Variants in KCNQ3 observed in about 807,000 individuals in gnomAD.
KCNQ3 encodes potassium voltage-gated channel subfamily KQT member 3.
A neutral mutation model predicts 92.5 loss-of-function variants in KCNQ3; 30 were observed. That is an observed-to-expected ratio of 0.32 (90% CI 0.24 to 0.44). KCNQ3 has a LOEUF of 0.44. Ranked by LOEUF, KCNQ3 falls within the 20% of genes least tolerant of loss-of-function variation. The probability of loss-of-function intolerance (pLI) is 1.00; values close to 1 mark genes in which losing one functional copy is unlikely to be tolerated. For missense variants in KCNQ3, 913 were observed against 1,140.3 expected (o/e 0.80, Z 2.87); for synonymous variants, 450 against 468.8 (o/e 0.96, Z 0.52).
intron 9 of KCNQ3, among the ~76,000 whole-genome samples, chr8:132,144,444 G>T (rs149345735): frequency 3.9e-5 from 6 of 152,206 alleles, no homozygotes; most frequent in Admixed American, 2.0e-4. Flanking sequence ...CATAATTAAG[G>T]TGTTGTTCTA....
intron 1 of KCNQ3, among the ~76,000 whole-genome samples, chr8:132,390,895 T>C (rs1453955788): frequency 6.6e-6 from 1 of 152,212 alleles, no homozygotes; most frequent in Admixed American, 6.5e-5. Context: ...TCCAAATATT[T>C]AGCAAACACT....
intron 1 of KCNQ3, among the ~76,000 whole-genome samples, chr8:132,233,023 T>C (rs774178354): frequency 6.6e-6 from 1 of 152,228 alleles, no homozygotes; most frequent in Non-Finnish European, 1.5e-5. Flanking sequence ...TGAACAAATA[T>C]CAGCAGCTGC....
intron 9 of KCNQ3, among the ~76,000 whole-genome samples, chr8:132,152,117 C>A (rs1825654576): frequency 6.6e-6 from 1 of 152,094 alleles, no homozygotes; most frequent in African/African-American, 2.4e-5. Flanking sequence ...TAATAAGCTA[C>A]AGAACTTTGG....
At chr8:132,141,979 C>T (rs1825311372) in intron 9 of KCNQ3, among the ~76,000 whole-genome samples, 1 of 152,186 alleles carries the variant, frequency 6.6e-6, no homozygotes, top group Non-Finnish European at 1.5e-5. Context: ...CAACAGAAAT[C>T]ACAGATAATT....
chr8:132,247,573 G>A (rs544401597), intron 1 of KCNQ3, among the ~76,000 whole-genome samples: 59 of 152,162 alleles, frequency 3.9e-4, no homozygotes, highest in African/African-American at 1.3e-3. Context: ...GATCACCTGA[G>A]GTCAGGAGTT....
chr8:132,298,738 C>T lies in KCNQ3; in HGVS notation c.387-112557G>A, dbSNP rs145729142. 2.5e-3 allele frequency among the ~76,000 whole-genome samples: 385 copies of T among 152,260 alleles called. 4 individuals carry two copies. The highest frequency in any genetic ancestry group is 9.0e-3 in the African/African-American group (373 of 41,548). The stretch of plus-strand genomic sequence containing the variant: ...CCTGGCCAACATGGTGAAAACCCAT[C>T]TCTACTAAAAAAGTACAAAAATTTG... On this transcript the variant is annotated intron_variant, in intron 1 of 14. Transcript: ENST00000388996.
At chr8:132,335,054 CT>C (rs1563865345) in intron 1 of KCNQ3, among the ~76,000 whole-genome samples, 1 of 148,950 alleles carries the variant, frequency 6.7e-6, no homozygotes, top group South Asian at 2.1e-4. Context: ...CTTTTTTCTT[CT>C]TTTTTTGAAG....
chr8:132,188,357 C>T (rs766644676), intron 1 of KCNQ3, among the ~76,000 whole-genome samples: 53 of 152,336 alleles, frequency 3.5e-4, no homozygotes, highest in Middle Eastern at 3.4e-3. Context: ...CTTAATCACT[C>T]TCAGAAGATT....
At chr8:132,175,703 C>T in intron 4 of KCNQ3, 95 bp from the exon 5 acceptor site, 1 of 1,197,818 alleles carries the variant, frequency 8.3e-7, no homozygotes, top group Non-Finnish European at 1.2e-6. Flanking sequence ...TCCAAGTTTA[C>T]CAGCTCTGTG....
chr8:132,189,345 AC>A, intron 1 of KCNQ3, among the ~76,000 whole-genome samples: 1 of 152,094 alleles, frequency 6.6e-6, no homozygotes, highest in African/African-American at 2.4e-5. Flanking sequence ...ATGGACAACA[AC>A]CCGTTATCAT....
chr8:132,353,203 GCAA>G (rs1035853216), intron 1 of KCNQ3, among the ~76,000 whole-genome samples: 81 of 152,078 alleles, frequency 5.3e-4, no homozygotes, highest in African/African-American at 1.9e-3. Context: ...TCCAGCCTGG[GCAA>G]CAAGAGTGAA....
intron 1 of KCNQ3, among the ~76,000 whole-genome samples, chr8:132,311,648 G>A (rs1817597368): frequency 6.6e-6 from 1 of 152,222 alleles, no homozygotes; most frequent in Non-Finnish European, 1.5e-5. Flanking sequence ...TCACATATGT[G>A]AAGTGCTTAG....
intron 1 of KCNQ3, among the ~76,000 whole-genome samples, chr8:132,353,985 G>T (rs1343099374): frequency 6.6e-6 from 1 of 152,172 alleles, no homozygotes; most frequent in Non-Finnish European, 1.5e-5. Context: ...TACTAAAAAG[G>T]GAAAGAAGCC....
At chr8:132,253,885 T>C (rs1261143080) in intron 1 of KCNQ3, among the ~76,000 whole-genome samples, 1 of 152,236 alleles carries the variant, frequency 6.6e-6, no homozygotes, top group Non-Finnish European at 1.5e-5. Context: ...GCTTCTCCTC[T>C]ACTCTGAAAG....
intron 1 of KCNQ3, among the ~76,000 whole-genome samples, chr8:132,253,436 T>C (rs1243769590): frequency 6.6e-6 from 1 of 152,226 alleles, no homozygotes; most frequent in Non-Finnish European, 1.5e-5. Context: ...TAGGTACTGA[T>C]GTTTTCCCCA....
intron 1 of KCNQ3, among the ~76,000 whole-genome samples, chr8:132,297,443 C>A (rs888929441): frequency 2.0e-5 from 3 of 151,964 alleles, no homozygotes; most frequent in Non-Finnish European, 4.4e-5. Context: ...TATTTCATGA[C>A]CTATTCTATT....
At chr8:132,369,102 C>T (rs1586962091) in intron 1 of KCNQ3, among the ~76,000 whole-genome samples, 1 of 152,240 alleles carries the variant, frequency 6.6e-6, no homozygotes, top group East Asian at 1.9e-4. Flanking sequence ...GTTCTTTCTT[C>T]TCATGATTAG....
intron 1 of KCNQ3, among the ~76,000 whole-genome samples, chr8:132,355,687 G>A (rs1180089175): frequency 6.6e-6 from 1 of 152,178 alleles, no homozygotes; most frequent in Non-Finnish European, 1.5e-5. Context: ...GGATCTGAGT[G>A]TTCCCCTGGT....
chr8:132,436,474 C>T lies in KCNQ3; in HGVS notation c.386+43673G>A, dbSNP rs547999964. Among the ~76,000 whole-genome samples the T allele has an allele frequency of 3.9e-5, 6 of 152,226 alleles. No individual in the cohort carries two copies. The South Asian group carries it at 8.3e-4, about 21-fold the overall frequency. Reference sequence around the variant, plus strand: ...AAACTGAAAACAGCAGTATGTTGTTCGACTTTGTTTAAATCTCTCTTCAAA... The same window carrying T: ...AAACTGAAAACAGCAGTATGTTGTTTGACTTTGTTTAAATCTCTCTTCAAA... On this transcript the variant is annotated intron_variant, in intron 1 of 14. Transcript: ENST00000388996.
Sources: gnomAD v4.1 joint callset for allele counts (sites outside exome capture counted in the v4.1 genomes callset) on GRCh38, gnomAD v4.1.1 for gene constraint, MANE v1.5 for transcripts, NCBI Gene and HGNC (gene_info 2026-07-23, HGNC 2026-07-21) for gene names.